GRIA4: variants seen among roughly 807,000 people sequenced by gnomAD.
GRIA4 encodes glutamate receptor 4.
Under a neutral mutation model 104.0 loss-of-function variants are expected in GRIA4, and 34 were observed. The ratio of observed to expected loss-of-function variants is 0.33; its 90% CI spans 0.25 to 0.44. GRIA4 has a LOEUF of 0.44. GRIA4 is among the 20% of genes least tolerant of loss of function. The pLI, the probability that GRIA4 is intolerant of heterozygous loss-of-function variation, is 1.00. For missense variants in GRIA4, 750 were observed against 1,096.5 expected, an observed-to-expected ratio of 0.68 and a Z score of 4.46; for synonymous variants, 386 against 381.9, an observed-to-expected ratio of 1.01 and a Z score of -0.13.
At chr11:105,792,912 T>TA (rs1942276022) in intron 4 of GRIA4, among the ~76,000 whole-genome samples, 2 of 75,358 alleles carry the variant, frequency 2.7e-5, no homozygotes, top group Non-Finnish European at 5.2e-5. Context: ...TTGTCCAACA[T>TA]ACAAGACAGG....
rs528872863 is a variant in GRIA4 at position 105,861,993 on chromosome 11, T to C, written c.488-31T>C. 7.1e-5 allele frequency: 102 copies of C among 1,434,944 alleles called. 2 individuals carry two copies. In the South Asian group the frequency reaches 1.1e-3, roughly 16 times the overall value. The allele number at this position is 1,434,944 out of a possible 1,614,324, so 88.9% of individuals were successfully genotyped here. Reference sequence around the variant, plus strand: ...ACATCATTAAAGGGGAGTAAAAGCATGTTTTTAGTAACTTTTTTTTTCCCC... The same window carrying C: ...ACATCATTAAAGGGGAGTAAAAGCACGTTTTTAGTAACTTTTTTTTTCCCC... On this transcript the variant is annotated intron_variant, in intron 4 of 16. Coordinates refer to ENST00000282499, the MANE Select transcript of GRIA4 (RefSeq NM_000829.4).
intron 5 of GRIA4, among the ~76,000 whole-genome samples, chr11:105,871,518 AATATG>A (rs1187225185): frequency 2.1e-4 from 32 of 150,762 alleles, no homozygotes; most frequent in Non-Finnish European, 3.4e-4. Context: ...TTATTTTAAT[AATATG>A]GGAAGTAATC....
At chr11:105,718,668 T>C (rs1954185065) in intron 3 of GRIA4, among the ~76,000 whole-genome samples, 1 of 152,162 alleles carries the variant, frequency 6.6e-6, no homozygotes, top group Non-Finnish European at 1.5e-5. Context: ...ATGGTGGTAA[T>C]GGTGGTGTCT....
chr11:105,912,522 A>ATATATATATATAAATATATATATATT (rs1565337956), intron 10 of GRIA4: 3 of 318,680 alleles, frequency 9.4e-6, no homozygotes, highest in African/African-American at 6.9e-5. Context: ...CAACTGTTTT[A>ATATATATATATAAATATATATATATT]TATATATATA....
intron 10 of GRIA4, among the ~76,000 whole-genome samples, chr11:105,916,595 T>C (rs1197628124): frequency 6.6e-6 from 1 of 152,216 alleles, no homozygotes; most frequent in African/African-American, 2.4e-5. Context: ...TAATAAATGT[T>C]TGATTAAATA....
At chr11:105,898,988 A>C (rs1445471303) in intron 7 of GRIA4, among the ~76,000 whole-genome samples, 1 of 152,160 alleles carries the variant, frequency 6.6e-6, no homozygotes, top group African/African-American at 2.4e-5. Flanking sequence ...ACTTTCTTAG[A>C]CCTCATGTTA....
intron 4 of GRIA4, among the ~76,000 whole-genome samples, chr11:105,841,435 G>A (rs1374017093): frequency 6.6e-6 from 1 of 152,156 alleles, no homozygotes; most frequent in African/African-American, 2.4e-5. Context: ...CAGCAGGACT[G>A]TGGGCCTGGA....
At chr11:105,623,113 C>G (rs1184168430) in intron 3 of GRIA4, among the ~76,000 whole-genome samples, 1 of 144,764 alleles carries the variant, frequency 6.9e-6, no homozygotes, top group Non-Finnish European at 1.5e-5. Flanking sequence ...TTATCCAGTC[C>G]TCCAGTGATG....
Position 105,631,468 on chromosome 11 carries a change from A to G in GRIA4, c.247+19034A>G, listed in dbSNP as rs564470167. 6.0e-4 allele frequency among the ~76,000 whole-genome samples: 92 copies of G among 152,362 alleles called. 1 individual carries two copies. The South Asian group carries it at 0.017, about 29-fold the overall frequency. ...AAACAAAATCCTTTGGCAGCCCCAG[A>G]TTAGACTCAACAACTGTGAATCTGA... On this transcript the variant is annotated intron_variant, in intron 3 of 16. Coordinates refer to ENST00000282499, the MANE Select transcript of GRIA4 (RefSeq NM_000829.4).
At chr11:105,720,665 A>G (rs1012448818) in intron 3 of GRIA4, among the ~76,000 whole-genome samples, 1 of 152,170 alleles carries the variant, frequency 6.6e-6, no homozygotes, top group Non-Finnish European at 1.5e-5. Context: ...TTATGTTATA[A>G]ATTAGTGCAT....
intron 5 of GRIA4, among the ~76,000 whole-genome samples, chr11:105,874,354 G>A (rs958812806): frequency 6.6e-5 from 10 of 152,138 alleles, no homozygotes; most frequent in Admixed American, 5.2e-4. Context: ...GTAGTGTGAT[G>A]CCTCTGACTT....
chr11:105,922,913 T>A (rs1947605281), intron 11 of GRIA4, among the ~76,000 whole-genome samples: 1 of 152,158 alleles, frequency 6.6e-6, no homozygotes, highest in African/African-American at 2.4e-5. Flanking sequence ...ATGATAGCTA[T>A]GGGGAAAATA....
chr11:105,911,667 C>T lies in GRIA4; in HGVS notation c.1269+1122C>T, dbSNP rs536673313. On this transcript the variant is annotated intron_variant, in intron 10 of 16. Coordinates refer to ENST00000282499, the MANE Select transcript of GRIA4 (RefSeq NM_000829.4). ...CAGTCAGTAATTTAATGTAATCTGA[C>T]AAGCCTTCAGCAGAAGTTTATGATT... Among the ~76,000 whole-genome samples the T allele has an allele frequency of 4.5e-4, 67 of 150,234 alleles. No individual in the cohort carries two copies. In the South Asian group the frequency reaches 0.014, roughly 31 times the overall value.
chr11:105,763,781 C>T lies in GRIA4; in HGVS notation c.487+10561C>T, dbSNP rs1207528936. ...ATGAAAGAATTTTGTGAGAGACATTCCTCTCTGGACCTTTTGTGTGCTTTC... is the reference window on the plus strand; with the variant it reads ...ATGAAAGAATTTTGTGAGAGACATTTCTCTCTGGACCTTTTGTGTGCTTTC... On this transcript the variant is annotated intron_variant, in intron 4 of 16. Transcript: ENST00000282499. 2.0e-5 allele frequency among the ~76,000 whole-genome samples: 3 copies of T among 152,292 alleles called. No individual in the cohort carries two copies. In the East Asian group the frequency reaches 5.8e-4, roughly 29 times the overall value.
chr11:105,862,909 A>AC (rs753016495), intron 5 of GRIA4, among the ~76,000 whole-genome samples: 2 of 152,186 alleles, frequency 1.3e-5, no homozygotes, highest in Non-Finnish European at 2.9e-5. Flanking sequence ...GCCTTTCCCT[A>AC]CCCCTGCAGA....
chr11:105,965,926 A>G (rs1591494542), intron 14 of GRIA4: 1 of 1,508,348 alleles, frequency 6.6e-7, no homozygotes, highest in East Asian at 2.3e-5. Flanking sequence ...TTTCTTACAA[A>G]ATATGTTTTA....
At chr11:105,727,851 T>G (rs547777111) in intron 3 of GRIA4, among the ~76,000 whole-genome samples, 6 of 152,274 alleles carry the variant, frequency 3.9e-5, no homozygotes, top group African/African-American at 1.4e-4. Context: ...CCACCAGGCC[T>G]GCCTTACAAG....
chr11:105,644,008 C>T (rs1951448822), intron 3 of GRIA4, among the ~76,000 whole-genome samples: 1 of 152,160 alleles, frequency 6.6e-6, no homozygotes, highest in Non-Finnish European at 1.5e-5. Flanking sequence ...CATGAGCCAC[C>T]ACTCCTGGCC....
At chr11:105,790,919 G>A (rs1942186889) in intron 4 of GRIA4, among the ~76,000 whole-genome samples, 1 of 152,046 alleles carries the variant, frequency 6.6e-6, no homozygotes, top group Non-Finnish European at 1.5e-5. Flanking sequence ...GAAGAACCTT[G>A]GCTGTCCATT....
Sources: allele counts gnomAD v4.1 joint callset (sites outside exome capture counted in the v4.1 genomes callset), GRCh38; gene constraint gnomAD v4.1.1; transcripts MANE v1.5; gene names NCBI Gene and HGNC (gene_info 2026-07-23, HGNC 2026-07-21).